The following CNTN6 variants were observed in gnomAD, a reference collection of about 807,000 sequenced individuals.
CNTN6 encodes contactin-6.
A neutral mutation model predicts 122.8 loss-of-function variants in CNTN6; 137 were observed. That is an observed-to-expected ratio of 1.12 (90% CI 0.97 to 1.29). The LOEUF is 1.29. CNTN6 is among the 50% of genes most tolerant of loss of function. CNTN6 has a pLI of 0.00. For synonymous variants in CNTN6, 570 were observed against 426.0 expected, an observed-to-expected ratio of 1.34 and a Z score of -4.16; for missense variants, 1,634 against 1,223.4, an observed-to-expected ratio of 1.34 and a Z score of -5.01.
intron 1 of CNTN6, among the ~76,000 whole-genome samples, chr3:1,106,788 T>A (rs2091245475): frequency 6.6e-6 from 1 of 152,054 alleles, no homozygotes; most frequent in African/African-American, 2.4e-5. Flanking sequence ...GCCAGAACAA[T>A]TTAGAAGCCA....
At chr3:1,217,573 A>T (rs1386692369) in intron 2 of CNTN6, among the ~76,000 whole-genome samples, 1 of 152,260 alleles carries the variant, frequency 6.6e-6, no homozygotes, top group Non-Finnish European at 1.5e-5. Flanking sequence ...ATTTTTCTCA[A>T]GGCAGTGGCT....
At chr3:1,191,908 T>A (rs2125389039) in intron 2 of CNTN6, among the ~76,000 whole-genome samples, 1 of 152,334 alleles carries the variant, frequency 6.6e-6, no homozygotes, top group African/African-American at 2.4e-5. Context: ...GAATAACAGC[T>A]TTCTTTTACT....
At chr3:1,292,802 C>T (rs1320354882) in intron 5 of CNTN6, among the ~76,000 whole-genome samples, 1 of 152,036 alleles carries the variant, frequency 6.6e-6, no homozygotes, top group Non-Finnish European at 1.5e-5. Flanking sequence ...AAACACATTA[C>T]AAAGAGAGTA....
chr3:1,384,739 A>T (rs1037912464), intron 19 of CNTN6, among the ~76,000 whole-genome samples: 2 of 110,388 alleles, frequency 1.8e-5, no homozygotes, highest in Non-Finnish European at 3.6e-5. Flanking sequence ...ACATATATAT[A>T]CATATATACA....
intron 11 of CNTN6, among the ~76,000 whole-genome samples, chr3:1,332,572 AAG>A (rs755534216): frequency 2.0e-5 from 3 of 151,186 alleles, no homozygotes; most frequent in East Asian, 2.0e-4. Context: ...GAAAGAAAGA[AAG>A]AGAGAGAGGA....
At chr3:1,329,126 TTTC>T (rs1025834247) in intron 10 of CNTN6, among the ~76,000 whole-genome samples, 33 of 151,302 alleles carry the variant, frequency 2.2e-4, no homozygotes, top group Non-Finnish European at 4.6e-4. Context: ...TGTGTGTGTG[TTTC>T]TTCAACATCA....
chr3:1,101,793 C>T (rs1177718787), intron 1 of CNTN6, among the ~76,000 whole-genome samples: 1 of 152,158 alleles, frequency 6.6e-6, no homozygotes, highest in Non-Finnish European at 1.5e-5. Flanking sequence ...GTTAGAAAAG[C>T]AAGCCAGTGG....
intron 6 of CNTN6, among the ~76,000 whole-genome samples, chr3:1,297,669 C>G (rs1696498337): frequency 1.4e-5 from 2 of 147,470 alleles, no homozygotes; most frequent in South Asian, 4.2e-4. Flanking sequence ...TCAGATCTGG[C>G]TCTCTGAGTT....
intron 2 of CNTN6, among the ~76,000 whole-genome samples, chr3:1,163,382 C>A (rs777387105): frequency 5.3e-5 from 8 of 152,126 alleles, no homozygotes; most frequent in Non-Finnish European, 8.8e-5. Context: ...TGCCACTATT[C>A]TATGGCTAAG....
At chr3:1,180,725 T>A (rs1035093824) in intron 2 of CNTN6, among the ~76,000 whole-genome samples, 1 of 152,232 alleles carries the variant, frequency 6.6e-6, no homozygotes, top group East Asian at 1.9e-4. Context: ...TATGAGAGGT[T>A]TGGGAGTGAA....
intron 5 of CNTN6, among the ~76,000 whole-genome samples, chr3:1,294,245 A>T: frequency 6.6e-6 from 1 of 152,220 alleles, no homozygotes; most frequent in Non-Finnish European, 1.5e-5. Flanking sequence ...GTATATTCAT[A>T]AAATGAAATA....
At chr3:1,162,985 G>A (rs1187259151) in intron 2 of CNTN6, among the ~76,000 whole-genome samples, 1 of 152,154 alleles carries the variant, frequency 6.6e-6, no homozygotes, top group Non-Finnish European at 1.5e-5. Flanking sequence ...GGACTGGCCT[G>A]GCAGCCTCTT....
Position 1,099,450 on chromosome 3 carries a change from C to A in CNTN6, c.-83+6330C>A, listed in dbSNP as rs568829858. Among the ~76,000 whole-genome samples the A allele has an allele frequency of 6.4e-3, 966 of 152,054 alleles. 15 individuals are homozygous for A. The highest frequency in any genetic ancestry group is 0.022 in the African/African-American group (893 of 41,472). ...TGGGTGACAGAGCCAGACTCTGTCT[C>A]AAAAAATTAATTAATTAATTTAAAT... On this transcript the variant is annotated intron_variant, in intron 1 of 22. Coordinates refer to ENST00000446702, the MANE Select transcript of CNTN6 (RefSeq NM_001289080.2).
chr3:1,220,672 C>A lies in CNTN6; in HGVS notation c.56-15C>A, dbSNP rs1220868203. On this transcript the variant is annotated splice_polypyrimidine_tract_variant and intron_variant, in intron 2 of 22. Transcript: ENST00000446702. ...CCACTTTTTTTTCATGTGATTTATT[C>A]TTTTCTTTTCCCAGGTGATGGTCTT... The A allele has an allele frequency of 6.3e-6, 10 of 1,591,774 alleles. No individual in the cohort carries two copies. Among genetic ancestry groups the A allele is most frequent in the Non-Finnish European group, 7.7e-6 (9 of 1,171,524 alleles).
Position 1,383,415 on chromosome 3 carries a change from C to CA in CNTN6, c.2517+8dup. On this transcript the variant is annotated splice_region_variant and intron_variant, in intron 19 of 22. Transcript: ENST00000446702. ...AAGAGTGCTGGGCTATGAGGTAATC[C>CA]ACATTAATTTCACTTTTGCTTATGA... The CA allele has an allele frequency of 6.2e-7, 1 of 1,607,360 alleles. No homozygotes were observed. Among genetic ancestry groups the CA allele is most frequent in the Non-Finnish European group, 8.5e-7 (1 of 1,174,094 alleles).
chr3:1,214,301 C>CT (rs34799447), intron 2 of CNTN6, among the ~76,000 whole-genome samples: 8,063 of 44,004 alleles, frequency 0.18, 1,676 homozygotes, highest in African/African-American at 0.25. Flanking sequence ...TGTTGGATGT[C>CT]TTTTTTTTTT....
At chr3:1,153,924 G>A (rs535734833) in intron 2 of CNTN6, among the ~76,000 whole-genome samples, 1 of 152,238 alleles carries the variant, frequency 6.6e-6, no homozygotes, top group South Asian at 2.1e-4. Flanking sequence ...TATTGAGTAC[G>A]TCACAACCCA....
intron 1 of CNTN6, among the ~76,000 whole-genome samples, chr3:1,098,663 AT>A (rs917196026): frequency 3.3e-5 from 5 of 150,332 alleles, no homozygotes; most frequent in African/African-American, 1.2e-4. Flanking sequence ...TGCTGACTCC[AT>A]TTTTTTAAAG....
chr3:1,291,575 T>C (rs1464654018), intron 5 of CNTN6, among the ~76,000 whole-genome samples: 1 of 152,188 alleles, frequency 6.6e-6, no homozygotes, highest in Non-Finnish European at 1.5e-5. Context: ...CCCTGGGAAT[T>C]TGCTCAAGAT....
Sources: gnomAD v4.1 joint callset for allele counts (sites outside exome capture counted in the v4.1 genomes callset) on GRCh38, gnomAD v4.1.1 for gene constraint, MANE v1.5 for transcripts, NCBI Gene and HGNC (gene_info 2026-07-23, HGNC 2026-07-21) for gene names.